DAGLA: variants seen among roughly 807,000 people sequenced by gnomAD.
The protein encoded by DAGLA is diacylglycerol lipase-alpha.
DAGLA carries 22 observed loss-of-function variants against 102.6 expected under a neutral mutation model. The ratio of observed to expected loss-of-function variants is 0.21; its 90% confidence interval spans 0.15 to 0.31. The LOEUF (loss-of-function observed/expected upper bound fraction) is 0.31. Ranked by LOEUF, DAGLA falls within the 10% of genes least tolerant of loss-of-function variation. The pLI is 1.00. For missense variants in DAGLA, 927 were observed against 1,446.6 expected, an observed-to-expected ratio of 0.64 and a Z score of 5.83; for synonymous variants, 578 against 628.9, an observed-to-expected ratio of 0.92 and a Z score of 1.21.
chr11:61,729,185 C>T (rs198417), intron 8 of DAGLA, among the ~76,000 whole-genome samples, 177 bp downstream of exon 8: 39,637 of 152,070 alleles, frequency 0.26, 5,361 homozygotes, highest in East Asian at 0.46. Flanking sequence ...ACGAGAACCA[C>T]CCACTTCACA....
intron 6 of DAGLA, among the ~76,000 whole-genome samples, chr11:61,726,570 C>T (rs958475275): frequency 3.3e-5 from 5 of 152,186 alleles, no homozygotes; most frequent in African/African-American, 7.2e-5. Flanking sequence ...CAGCTGGGGG[C>T]GGCCCCCAAG....
chr11:61,730,621 C>T (rs932050904), intron 8 of DAGLA, among the ~76,000 whole-genome samples: 1 of 152,192 alleles, frequency 6.6e-6, no homozygotes, highest in African/African-American at 2.4e-5. Flanking sequence ...CTGCCTCTTC[C>T]TCCCTCCACC....
At chr11:61,706,329 C>G (rs2065148850) in intron 1 of DAGLA, among the ~76,000 whole-genome samples, 1 of 152,194 alleles carries the variant, frequency 6.6e-6, no homozygotes, top group Admixed American at 6.5e-5. Flanking sequence ...AGCCAATGGC[C>G]CTGGGTGCCA....
At chr11:61,687,670 G>A (rs1019192497) in intron 1 of DAGLA, among the ~76,000 whole-genome samples, 1 of 152,226 alleles carries the variant, frequency 6.6e-6, no homozygotes, top group Non-Finnish European at 1.5e-5. Context: ...TATCTGAATA[G>A]CGCTGGCGCC....
intron 1 of DAGLA, among the ~76,000 whole-genome samples, chr11:61,709,208 C>CTTTGTTTG (rs537769791): frequency 6.6e-6 from 1 of 152,100 alleles, no homozygotes; most frequent in Non-Finnish European, 1.5e-5. Context: ...GGCTTTCAAA[C>CTTTGTTTG]TTTGTTTGTT....
chr11:61,723,661 C>A, intron 5 of DAGLA, 89 bp downstream of exon 5: 1 of 1,524,248 alleles, frequency 6.6e-7, no homozygotes, highest in Non-Finnish European at 8.9e-7. Context: ...CTACCCCAGG[C>A]CTCCCAGACT....
At chr11:61,707,494 C>A (rs567818065) in intron 1 of DAGLA, among the ~76,000 whole-genome samples, 8 of 152,356 alleles carry the variant, frequency 5.3e-5, no homozygotes, top group Non-Finnish European at 5.9e-5. Flanking sequence ...CCTATTCCCC[C>A]ACAGGCTGGG....
chr11:61,706,458 C>T (rs1283816314), intron 1 of DAGLA, among the ~76,000 whole-genome samples: 1 of 152,194 alleles, frequency 6.6e-6, no homozygotes, highest in South Asian at 2.1e-4. Flanking sequence ...GAAGCCATCT[C>T]CCTCAGTGTT....
Position 61,735,789 on chromosome 11 carries a change from G to T in DAGLA, c.1263G>T (p.Gly421=), listed in dbSNP as rs754859194. ...TGDAERLPVE[G]HHGTWLGHKG... ...ATGCTGAGCGCCTCCCCGTGGAGGG[G>T]CACCACGGCACCTGGCTGGGCCACA... Residue 421 remains glycine (G), a synonymous_variant, in exon 12 of 20, where the codon GGG becomes GGT. Coordinates refer to ENST00000257215, the MANE Select transcript of DAGLA (RefSeq NM_006133.3). The T allele has an allele frequency of 1.9e-6, 3 of 1,612,124 alleles. No homozygotes were observed. The East Asian group carries it at 6.7e-5, about 36-fold the overall frequency.
rs73483602 is a variant in DAGLA, at chr11:61,690,421, A to G, written c.-45+9917A>G. Among the ~76,000 whole-genome samples, 1,233 of 152,298 alleles carry G rather than the reference A, an allele frequency of 8.1e-3. 16 individuals are homozygous for G. Among genetic ancestry groups the G allele is most frequent in the African/African-American group, 0.029 (1,196 of 41,554 alleles). On this transcript the variant is annotated intron_variant, in intron 1 of 19. Transcript: ENST00000257215. ...AGTTCCTGGGTTGGCATAAGCGGACACTACCACTCTACCAGCAGCCACAAT... is the reference window on the plus strand; with the variant it reads ...AGTTCCTGGGTTGGCATAAGCGGACGCTACCACTCTACCAGCAGCCACAAT...
At chr11:61,697,404 C>T (rs895084874) in intron 1 of DAGLA, among the ~76,000 whole-genome samples, 6 of 152,176 alleles carry the variant, frequency 3.9e-5, no homozygotes, top group Non-Finnish European at 5.9e-5. Context: ...GGAAATGCAT[C>T]GCTCTGCTTG....
chr11:61,722,308 AGGCGC>A lies in DAGLA; in HGVS notation c.308-548_308-544del, dbSNP rs1352978634. On this transcript the variant is annotated intron_variant, in intron 3 of 19. Coordinates refer to ENST00000257215, the MANE Select transcript of DAGLA (RefSeq NM_006133.3). ...TCCTGATAGAATGAGGAAATGGGCC[AGGCGC>A]GGTGGCTCATGCCTGTAATCCCAGC... is the stretch of plus-strand genomic sequence containing the variant. Among the ~76,000 whole-genome samples, 4 of 152,198 alleles carry A rather than the reference AGGCGC, an allele frequency of 2.6e-5. No homozygotes were observed. In the East Asian group the frequency reaches 7.7e-4, roughly 29 times the overall value.
At chr11:61,720,341 C>A in intron 2 of DAGLA, 91 bp downstream of exon 2, 1 of 1,315,876 alleles carries the variant, frequency 7.6e-7, no homozygotes, top group Non-Finnish European at 1.1e-6. Flanking sequence ...CCTGCTTGGG[C>A]CCAAGTCCCA....
intron 9 of DAGLA, among the ~76,000 whole-genome samples, chr11:61,732,988 C>T (rs551237857): frequency 3.3e-5 from 5 of 152,346 alleles, no homozygotes; most frequent in African/African-American, 1.2e-4. Flanking sequence ...ACTGGTCCTC[C>T]TGGCCCACAC....
chr11:61,728,752 AT>A (rs2065351400), intron 7 of DAGLA, among the ~76,000 whole-genome samples, 178 bp from the exon 8 acceptor site: 1 of 152,248 alleles, frequency 6.6e-6, no homozygotes, highest in Non-Finnish European at 1.5e-5. Context: ...ATCTGGAAAT[AT>A]GGGGAAACCT....
intron 10 of DAGLA, 111 bp from the exon 11 acceptor site, chr11:61,735,450 C>T (rs2065414964): frequency 1.4e-5 from 13 of 938,370 alleles, no homozygotes; most frequent in Middle Eastern, 2.6e-4. Context: ...GCAGAGGCTC[C>T]GTGGCTGGTG....
At chr11:61,722,471 A>G (rs974714670) in intron 3 of DAGLA, among the ~76,000 whole-genome samples, 2 of 152,202 alleles carry the variant, frequency 1.3e-5, no homozygotes, top group African/African-American at 2.4e-5. Flanking sequence ...GTGTAATCCC[A>G]TCTACCCTAG....
intron 6 of DAGLA, among the ~76,000 whole-genome samples, chr11:61,727,608 A>T (rs1466591119): frequency 6.6e-6 from 1 of 152,210 alleles, no homozygotes; most frequent in African/African-American, 2.4e-5. Context: ...CCACTGGGCC[A>T]GAGAGTACAC....
At chr11:61,731,255 G>C in intron 8 of DAGLA, 62 bp from the exon 9 acceptor site, 5 of 1,598,704 alleles carry the variant, frequency 3.1e-6, no homozygotes, top group Non-Finnish European at 4.3e-6. Context: ...GGGAACTGCT[G>C]GGCCCTGAGG....
Sources: gnomAD v4.1 joint callset for allele counts (sites outside exome capture counted in the v4.1 genomes callset) on GRCh38, gnomAD v4.1.1 for gene constraint, MANE v1.5 for transcripts, NCBI Gene and HGNC (gene_info 2026-07-23, HGNC 2026-07-21) for gene names.